The following MYO18A variants were observed in gnomAD, a reference collection of about 807,000 sequenced individuals.
MYO18A encodes myosin XVIIIA.
In MYO18A, 78 loss-of-function variants were observed where a neutral mutation model predicts 235.8. The observed-to-expected ratio is 0.33, with a 90% CI of 0.28 to 0.40. MYO18A has a LOEUF of 0.40. MYO18A is among the 10% of genes least tolerant of loss of function. The pLI is 1.00. For missense variants in MYO18A, 2,215 were observed against 2,699.3 expected (o/e 0.82, Z 3.98); for synonymous variants, 977 against 1,077.8 (o/e 0.91, Z 1.83).
intron 1 of MYO18A, among the ~76,000 whole-genome samples, chr17:29,168,955 A>G (rs1300016650): frequency 2.6e-5 from 4 of 152,170 alleles, no homozygotes; most frequent in African/African-American, 9.6e-5. Flanking sequence ...GGATCACCAG[A>G]GGTCAGGAGT....
At position 29,103,772 on chromosome 17, in the gene MYO18A, A is replaced by T. The variant is rs2066714055; in HGVS notation, c.3442-108T>A. ...CCTCCCTCCTCCTAGACAGTCTGTT[A>T]TTCATGCACTTGCGTGGGCTTCCTC... On this transcript the variant is annotated intron_variant, in intron 20 of 41. Coordinates refer to ENST00000527372, the MANE Select transcript of MYO18A (RefSeq NM_078471.4). The T allele has an allele frequency of 1.4e-5, 15 of 1,057,266 alleles. No individual in the cohort carries two copies. In the South Asian group the frequency reaches 2.0e-4, roughly 14 times the overall value. 65.5% of individuals were successfully genotyped at this position (1,057,266 alleles called of 1,614,324 possible).
Position 29,085,704 on chromosome 17 carries a change from A to G in MYO18A, c.5853-56T>C, listed in dbSNP as rs563327967. The stretch of plus-strand genomic sequence containing the variant: ...GGTCCAGAGGAAACAGATGAAATCA[A>G]TCGGCAACCCAAGGTGGACCCCTTA... On this transcript the variant is annotated intron_variant, in intron 39 of 41. Transcript: ENST00000527372. 3.2e-5 allele frequency: 51 copies of G among 1,586,210 alleles called. No individual in the cohort carries two copies. In the African/African-American group the frequency reaches 5.6e-4, roughly 18 times the overall value.
chr17:29,086,676 T>C, intron 38 of MYO18A, 99 bp from the exon 39 acceptor site: 1 of 1,457,312 alleles, frequency 6.9e-7, no homozygotes. Context: ...ATGGGGGTGC[T>C]ACCTGAGGGC....
At chr17:29,095,644 C>A (rs923861989) in intron 28 of MYO18A, among the ~76,000 whole-genome samples, 2 of 152,220 alleles carry the variant, frequency 1.3e-5, no homozygotes, top group Non-Finnish European at 2.9e-5. Context: ...ACACAGGGGG[C>A]CTCGTTCTTC....
intron 41 of MYO18A, chr17:29,075,642 A>G (rs2065955324): frequency 6.0e-6 from 1 of 166,514 alleles, no homozygotes; most frequent in Non-Finnish European, 1.5e-5. Flanking sequence ...CCAGATGTGA[A>G]GAGGCCTCTT....
chr17:29,089,941 C>A lies in MYO18A; in HGVS notation c.5526+20G>T. The A allele has an allele frequency of 6.2e-7, 1 of 1,613,748 alleles. No homozygotes were observed. The highest frequency in any genetic ancestry group is 8.5e-7 in the Non-Finnish European group (1 of 1,179,722). On this transcript the variant is annotated intron_variant, in intron 37 of 41. Coordinates refer to ENST00000527372, the MANE Select transcript of MYO18A (RefSeq NM_078471.4). ...CAGCTCTGCCCTGTTTGGTGTGGCC[C>A]GGGAGAAGTGTGAACCCACCTCCAG... is the stretch of plus-strand genomic sequence containing the variant.
intron 2 of MYO18A, among the ~76,000 whole-genome samples, chr17:29,123,214 G>T (rs1196887043): frequency 6.6e-6 from 1 of 152,222 alleles, no homozygotes; most frequent in Non-Finnish European, 1.5e-5. Flanking sequence ...GGGAGCTGGG[G>T]AAACAGACGA....
chr17:29,093,286 G>T (rs12603438), intron 32 of MYO18A, 37 bp downstream of exon 32: 1 of 1,560,874 alleles, frequency 6.4e-7, no homozygotes, highest in Non-Finnish European at 8.7e-7. Flanking sequence ...CATGGGCAGG[G>T]AGCCGGCCAG....
At chr17:29,113,917 C>A (rs954320032) in intron 15 of MYO18A, 94 bp downstream of exon 15, 1 of 1,018,102 alleles carries the variant, frequency 9.8e-7, no homozygotes, top group Non-Finnish European at 1.5e-6. Context: ...CAGTGGCACC[C>A]CCAGCAGCAG....
Position 29,114,967 on chromosome 17 carries a change from G to T in MYO18A, c.2451C>A (p.Asp817Glu). 1.2e-6 allele frequency: 2 copies of T among 1,614,048 alleles called. No homozygotes were observed. Among genetic ancestry groups the T allele is most frequent in the Non-Finnish European group, 8.5e-7 (1 of 1,179,898 alleles). Residue 817 changes from aspartate (D) to glutamate (E), a missense_variant, in exon 14 of 42, where the codon GAC (aspartate) becomes GAA (glutamate). Coordinates refer to ENST00000527372, the MANE Select transcript of MYO18A (RefSeq NM_078471.4). ...GCTCGTGGAAGAGCCTCTGCAGCCG[G>T]TCTTGGGTGTAGTTGTGGCACAGCT... Reference protein sequence around the residue: ...FEELCHNYTQDRLQRLFHERT... With the variant: ...FEELCHNYTQERLQRLFHERT...
In MYO18A at chr17:29,118,398, A is replaced by G. The variant is rs757741959; in HGVS notation, c.1872T>C (p.Phe624=). Reference sequence around the variant, plus strand: ...TCACCTTGGCCAGTGGCACAATCCCAAACACATTGTTCTCTGCCAAGTGGT... The same window carrying G: ...TCACCTTGGCCAGTGGCACAATCCCGAACACATTGTTCTCTGCCAAGTGGT... The part of the protein sequence containing the change: ...HLNHLAENNV[F]GIVPLAKPEE... Residue 624 remains phenylalanine (F), a synonymous_variant, in exon 9 of 42, where the codon TTT becomes TTC. Coordinates refer to ENST00000527372, the MANE Select transcript of MYO18A (RefSeq NM_078471.4). This position sits in a 1 kb window ranked among gnomAD's most constrained non-coding sequence, Gnocchi z 4.2. The G allele has an allele frequency of 9.3e-6, 15 of 1,607,568 alleles. No individual in the cohort carries two copies. Among genetic ancestry groups the G allele is most frequent in the Non-Finnish European group, 1.3e-5 (15 of 1,175,122 alleles).
intron 2 of MYO18A, among the ~76,000 whole-genome samples, chr17:29,144,617 A>C (rs2067809074): frequency 6.6e-6 from 1 of 152,230 alleles, no homozygotes; most frequent in African/African-American, 2.4e-5. Flanking sequence ...CCACCTTATG[A>C]GGCTGTTATA....
rs2068623963 is a variant in MYO18A, at chr17:29,180,386, T to C, written c.-155A>G. The C allele has an allele frequency of 6.6e-6, 1 of 151,984 alleles. No individual in the cohort carries two copies. The highest frequency in any genetic ancestry group is 1.5e-5 in the Non-Finnish European group (1 of 67,978). The allele number at this position is 151,984 out of a possible 1,614,324, so 9.4% of individuals were successfully genotyped here. On this transcript the variant is annotated 5_prime_UTR_variant, in exon 1 of 42. Coordinates refer to ENST00000527372, the MANE Select transcript of MYO18A (RefSeq NM_078471.4). The surrounding 1 kb of genome is among the most constrained non-coding windows in gnomAD (Gnocchi z 6.1). ...CCAGCAGCCTCGGCCCGGTCAGGGA[T>C]GGAGCAGAGCGCAGCGCGGCGCAGC...
At chr17:29,174,665 C>T (rs2068482392) in intron 1 of MYO18A, among the ~76,000 whole-genome samples, 1 of 151,860 alleles carries the variant, frequency 6.6e-6, no homozygotes, top group Non-Finnish European at 1.5e-5. Flanking sequence ...AAATACAAAA[C>T]TTTGCCGGCG....
At chr17:29,139,126 G>A (rs1047793237) in intron 2 of MYO18A, among the ~76,000 whole-genome samples, 3 of 152,092 alleles carry the variant, frequency 2.0e-5, no homozygotes, top group African/African-American at 7.3e-5. Flanking sequence ...AAAGCAGCCG[G>A]GCACCCGCCT....
rs2065928116 is a variant in MYO18A, at chr17:29,074,400, A to G, written c.*370T>C. 1 of 620,618 alleles carries G rather than the reference A, an allele frequency of 1.6e-6. No individual in the cohort carries two copies. Among genetic ancestry groups the G allele is most frequent in the Non-Finnish European group, 2.9e-6 (1 of 349,722 alleles). 38.4% of individuals were successfully genotyped at this position (620,618 alleles called of 1,614,324 possible). ...CCTCCCCATGGACCCAGCAACCTAG[A>G]GTGTCCCAGTAGGCAACCTGTCCAC... On this transcript the variant is annotated 3_prime_UTR_variant, in exon 42 of 42. Transcript: ENST00000527372. The surrounding 1 kb of genome is among the most constrained non-coding windows in gnomAD (Gnocchi z 4.4).
At chr17:29,093,242 C>T (rs1488951031) in intron 32 of MYO18A, 81 bp downstream of exon 32, 3 of 1,307,472 alleles carry the variant, frequency 2.3e-6, no homozygotes, top group Admixed American at 2.0e-5. Context: ...CTGTTCGTGG[C>T]TCCCCATCCC....
In MYO18A at chr17:29,098,156, G is replaced by T; in HGVS notation, c.3939C>A (p.Asp1313Glu). ...CCCGGAGCCTCTCTGCTGTCTCCGC[G>T]TCCAGCAGCTGGGAGGCGGACTCTC... ...NTGESASQLL[D>E]AETAERLRAE... The change falls in exon 25 of 42, where the codon GAC becomes GAA. Residue 1313 changes from aspartate to glutamate, a missense_variant. Coordinates refer to ENST00000527372, the MANE Select transcript of MYO18A (RefSeq NM_078471.4). 1.9e-6 allele frequency: 3 copies of T among 1,613,850 alleles called. No individual in the cohort carries two copies. Among genetic ancestry groups the T allele is most frequent in the Non-Finnish European group, 2.5e-6 (3 of 1,179,860 alleles).
intron 2 of MYO18A, among the ~76,000 whole-genome samples, chr17:29,149,242 C>T (rs1480806069): frequency 6.6e-6 from 1 of 152,250 alleles, no homozygotes; most frequent in Non-Finnish European, 1.5e-5. Context: ...TTGTTTTTAT[C>T]ACCGCTCTAT....
Sources: allele counts gnomAD v4.1 joint callset (sites outside exome capture counted in the v4.1 genomes callset), GRCh38; gene constraint gnomAD v4.1.1; non-coding constraint Gnocchi (gnomAD v3.1); transcripts MANE v1.5; gene names NCBI Gene and HGNC (gene_info 2026-07-23, HGNC 2026-07-21).